Variants in UVSSA observed in about 807,000 individuals in gnomAD.
UVSSA encodes the protein UV stimulated scaffold protein A.
UVSSA carries 72 observed loss-of-function variants against 73.9 expected under a neutral mutation model. The observed-to-expected ratio is 0.97, with a 90% CI of 0.81 to 1.19. The LOEUF (loss-of-function observed/expected upper bound fraction) is 1.19, where lower values mean the gene tolerates loss of function less well. Among genes scored for constraint, UVSSA ranks in the 50% most tolerant of loss-of-function variants. The pLI, the probability that UVSSA is intolerant of heterozygous loss-of-function variation, is 0.00. For missense variants in UVSSA, 1,150 were observed against 965.0 expected (o/e 1.19, Z -2.54); for synonymous variants, 454 against 391.3 (o/e 1.16, Z -1.89).
chr4:1,382,938 C>T (rs1577381212), intron 12 of UVSSA, among the ~76,000 whole-genome samples: 1 of 152,314 alleles, frequency 6.6e-6, no homozygotes, highest in Non-Finnish European at 1.5e-5. Flanking sequence ...CCATGGCCAT[C>T]ACAGTCCCGT....
intron 2 of UVSSA, among the ~76,000 whole-genome samples, chr4:1,348,641 G>A (rs1211591530): frequency 6.6e-6 from 1 of 152,230 alleles, no homozygotes; most frequent in Non-Finnish European, 1.5e-5. Context: ...CAGGCAGCCA[G>A]AGATTCATGG....
chr4:1,375,558 G>C (rs541365156), intron 9 of UVSSA, 50 bp downstream of exon 9: 1 of 1,583,586 alleles, frequency 6.3e-7, no homozygotes, highest in Admixed American at 1.7e-5. Context: ...CGCTGCCACA[G>C]CCTCTGCCCA....
chr4:1,348,293 G>A, intron 2 of UVSSA, 104 bp downstream of exon 2: 1 of 849,640 alleles, frequency 1.2e-6, no homozygotes, highest in African/African-American at 1.7e-5. Context: ...CCACCCGAGG[G>A]ACACACCCAG....
chr4:1,376,958 T>C (rs1202157089), intron 10 of UVSSA, among the ~76,000 whole-genome samples: 6 of 152,158 alleles, frequency 3.9e-5, no homozygotes, highest in African/African-American at 1.4e-4. Flanking sequence ...GTCCCCGCCA[T>C]CAAGACCCAG....
rs1720097283 is a variant in UVSSA at position 1,386,169 on chromosome 4, G to C, written c.*208G>C. 1.7e-6 allele frequency: 1 copy of C among 574,944 alleles called. No homozygotes were observed. Among genetic ancestry groups the C allele is most frequent in the South Asian group, 2.0e-5 (1 of 50,630 alleles). The allele number at this position is 574,944 out of a possible 1,614,324, so 35.6% of individuals were successfully genotyped here. A position where few individuals can be genotyped will look rare whatever the true frequency, so the allele number is the denominator to read the frequency against. ...GTCTGGTGATGGGTCTGGCCTCGCA[G>C]AAGAGGCCCTCGGGCCTGGAGATGT... On this transcript the variant is annotated 3_prime_UTR_variant, in exon 14 of 14. Transcript: ENST00000389851.
Position 1,354,795 on chromosome 4 carries a change from C to T in UVSSA, c.995C>T (p.Thr332Ile), listed in dbSNP as rs890028432. 1 of 1,613,506 alleles carries T rather than the reference C, an allele frequency of 6.2e-7. No individual in the cohort carries two copies. The highest frequency in any genetic ancestry group is 8.5e-7 in the Non-Finnish European group (1 of 1,179,986). Residue 332 changes from threonine to isoleucine, a missense_variant, in exon 6 of 14, where the codon ACA becomes ATA. Physicochemically the swap from Thr to Ile is moderately conservative, Grantham distance 89. Transcript: ENST00000389851. ...NLALIHAARD[T>I]LKLIRNKFLP... ...GCTCTCATCCACGCCGCCCGCGACA[C>T]ACTCAAGCTCATCCGGAACAAGTTC...
At chr4:1,361,771 T>C (rs976190867) in intron 7 of UVSSA, among the ~76,000 whole-genome samples, 9 of 152,078 alleles carry the variant, frequency 5.9e-5, no homozygotes, top group African/African-American at 1.9e-4. Context: ...TAAGATAGAA[T>C]GGGTTTTTAA....
intron 10 of UVSSA, among the ~76,000 whole-genome samples, chr4:1,377,316 G>C (rs774313987): frequency 6.6e-6 from 1 of 152,116 alleles, no homozygotes; most frequent in East Asian, 1.9e-4. Context: ...GCTCACACAC[G>C]ACACACGAGA....
chr4:1,375,304 CCT>C, intron 8 of UVSSA, 58 bp from the exon 9 acceptor site: 7 of 1,600,002 alleles, frequency 4.4e-6, no homozygotes, highest in Non-Finnish European at 5.1e-6. Flanking sequence ...CCCGGTCTTG[CCT>C]GATGTGCCTG....
At chr4:1,371,835 A>G (rs6826415) in intron 8 of UVSSA, among the ~76,000 whole-genome samples, 46,273 of 152,082 alleles carry the variant, frequency 0.3, 8,264 homozygotes, top group Non-Finnish European at 0.41. Context: ...ACCATATCAG[A>G]TAGGAAATCT....
rs1279661946 is a variant in UVSSA, at chr4:1,366,404, AT to A, written c.1262del (p.Ile421ThrfsTer163). The A allele has an allele frequency of 3.1e-6, 5 of 1,612,642 alleles. No individual in the cohort carries two copies. In the African/African-American group the frequency reaches 6.7e-5, roughly 22 times the overall value. ...VPEKEGYEPH[I>X]PDHLRPEYGL... The stretch of plus-strand genomic sequence containing the variant: ...TGAGAAGGAGGGGTATGAGCCACAC[AT>A]CCCCGACCACTTGCGGCCTGAGTAT... On this transcript the variant is annotated frameshift_variant, in exon 8 of 14. Coordinates refer to ENST00000389851, the MANE Select transcript of UVSSA (RefSeq NM_020894.4). LOFTEE classifies it high-confidence loss of function.
Position 1,380,140 on chromosome 4 carries a change from C to G in UVSSA, c.1662C>G (p.Ile554Met), listed in dbSNP as rs149802815. 3.1e-6 allele frequency: 5 copies of G among 1,613,274 alleles called. No individual in the cohort carries two copies. The highest frequency in any genetic ancestry group is 3.4e-6 in the Non-Finnish European group (4 of 1,180,006). The change falls in exon 11 of 14, where the codon ATC (isoleucine) becomes ATG (methionine). Residue 554 changes from isoleucine to methionine, a missense_variant. Physicochemically the swap from Ile to Met is conservative, Grantham distance 10. Transcript: ENST00000389851. Reference sequence around the variant, plus strand: ...CCGAGATGCTCCGGAGCCGCCACATCACTTTTGCCGGGAAGTTTGAGCCTG... The same window carrying G: ...CCGAGATGCTCCGGAGCCGCCACATGACTTTTGCCGGGAAGTTTGAGCCTG... Reference protein sequence around the residue: ...DISEMLRSRHITFAGKFEPVQ... With the variant: ...DISEMLRSRHMTFAGKFEPVQ...
rs536048605 is a variant in UVSSA at position 1,379,530 on chromosome 4, C to T, written c.1569-517C>T. Among the ~76,000 whole-genome samples, 3 of 152,352 alleles carry T rather than the reference C, an allele frequency of 2.0e-5. No homozygotes were observed. The South Asian group carries it at 6.2e-4, about 32-fold the overall frequency. On this transcript the variant is annotated intron_variant, in intron 10 of 13. Coordinates refer to ENST00000389851, the MANE Select transcript of UVSSA (RefSeq NM_020894.4). ...GCCTGGGGCAGTGGAGTCTGGTCTC[C>T]AGCACCCGGCCCCTCTGTGCTGCCA...
chr4:1,353,494 A>T (rs1715136377), intron 5 of UVSSA, 81 bp downstream of exon 5: 2 of 1,428,446 alleles, frequency 1.4e-6, no homozygotes, highest in Non-Finnish European at 1.8e-6. Flanking sequence ...CACCCGGCCC[A>T]GGAGCCTGGG....
intron 10 of UVSSA, among the ~76,000 whole-genome samples, chr4:1,378,675 TGCGATCCACGGG>T (rs1443863419): frequency 1.3e-5 from 2 of 152,188 alleles, no homozygotes; most frequent in African/African-American, 4.8e-5. Context: ...GTGTTCTCAC[TGCGATCCACGGG>T]GCGTCTCTGG....
At chr4:1,395,940 A>G in exon 14 of UVSSA, 1 of 1,538,282 alleles carries the variant, frequency 6.5e-7, no homozygotes, top group Non-Finnish European at 8.7e-7. Context: ...TTTTCGTATC[A>G]GACCTTTTAA....
At position 1,352,431 on chromosome 4, in the gene UVSSA, C is replaced by T. The variant is rs546822835; in HGVS notation, c.550+596C>T. Reference sequence around the variant, plus strand: ...TCAGGGCAGCTCACAAGGCAGGCAGCTGGGTGCCCAGACAATGAGGAGGCT... The same window carrying T: ...TCAGGGCAGCTCACAAGGCAGGCAGTTGGGTGCCCAGACAATGAGGAGGCT... On this transcript the variant is annotated intron_variant, in intron 4 of 13. Transcript: ENST00000389851. Among the ~76,000 whole-genome samples the T allele has an allele frequency of 1.6e-3, 243 of 152,378 alleles. 3 individuals carry two copies. The highest frequency in any genetic ancestry group is 5.6e-3 in the African/African-American group (233 of 41,588).
chr4:1,372,802 C>G (rs113033833), intron 8 of UVSSA, among the ~76,000 whole-genome samples: 1 of 60,176 alleles, frequency 1.7e-5, no homozygotes, highest in Non-Finnish European at 3.5e-5. Context: ...CCTGCACTCA[C>G]CTCCCGCGTC....
downstream of UVSSA, chr4:1,389,929 C>A (rs1720366442): frequency 1.3e-5 from 2 of 152,130 alleles, no homozygotes; most frequent in African/African-American, 4.8e-5. Flanking sequence ...AAAGAAACAA[C>A]TTCTGGTTTT....
Sources: allele counts gnomAD v4.1 joint callset (sites outside exome capture counted in the v4.1 genomes callset), GRCh38; gene constraint gnomAD v4.1.1; transcripts MANE v1.5; gene names NCBI Gene and HGNC (gene_info 2026-07-23, HGNC 2026-07-21).